KCNH1: variants seen among roughly 807,000 people sequenced by gnomAD.
KCNH1 encodes the protein potassium voltage-gated channel subfamily H member 1.
A neutral mutation model predicts 69.2 loss-of-function variants in KCNH1; 27 were observed. The ratio of observed to expected loss-of-function variants is 0.39; its 90% CI spans 0.29 to 0.54. The LOEUF (loss-of-function observed/expected upper bound fraction) is 0.54. KCNH1 is among the 20% of genes least tolerant of loss of function. The pLI, the probability that KCNH1 is intolerant of heterozygous loss-of-function variation, is 0.68. For synonymous variants in KCNH1, 456 were observed against 487.7 expected (o/e 0.93, Z 0.86); for missense variants, 798 against 1,261.6 (o/e 0.63, Z 5.57).
At chr1:211,090,283 G>C in intron 4 of KCNH1, among the ~76,000 whole-genome samples, 1 of 152,208 alleles carries the variant, frequency 6.6e-6, no homozygotes, top group Non-Finnish European at 1.5e-5. Context: ...GATGATACTA[G>C]TTGCCAAACT....
intron 6 of KCNH1, among the ~76,000 whole-genome samples, chr1:211,013,690 T>C (rs535749073): frequency 8.5e-5 from 13 of 152,238 alleles, no homozygotes; most frequent in African/African-American, 2.4e-4. Flanking sequence ...ACCGGGATAA[T>C]ACCTGCTCTC....
chr1:211,123,985 T>C (rs1207333126), intron 1 of KCNH1, among the ~76,000 whole-genome samples: 1 of 152,062 alleles, frequency 6.6e-6, no homozygotes, highest in Non-Finnish European at 1.5e-5. Context: ...GGCCACTCAA[T>C]GAAGTCAGGC....
intron 7 of KCNH1, among the ~76,000 whole-genome samples, chr1:210,888,102 T>C (rs1015664846): frequency 6.6e-6 from 1 of 152,094 alleles, no homozygotes; most frequent in African/African-American, 2.4e-5. Context: ...CAACAGAATA[T>C]ACATTCTTCT....
At chr1:210,838,414 A>T (rs1442475515) in intron 7 of KCNH1, among the ~76,000 whole-genome samples, 1 of 152,208 alleles carries the variant, frequency 6.6e-6, no homozygotes, top group Non-Finnish European at 1.5e-5. Flanking sequence ...TATAAAAATC[A>T]ACTAAAGATG....
chr1:210,957,779 C>T (rs1688207536), intron 6 of KCNH1, among the ~76,000 whole-genome samples: 1 of 152,072 alleles, frequency 6.6e-6, no homozygotes, highest in Non-Finnish European at 1.5e-5. Context: ...GATCTTCCTC[C>T]ATCCGTTTAT....
Position 210,919,148 on chromosome 1 carries a change from T to C in KCNH1, c.1462+492A>G, listed in dbSNP as rs1687408576. ...AGGTAATGATGTAAAGGAATGGATA[T>C]GTTAATTTGCTTTGCTGTCATAATC... On this transcript the variant is annotated intron_variant, in intron 7 of 10. Coordinates refer to ENST00000271751, the MANE Select transcript of KCNH1 (RefSeq NM_172362.3). This position sits in a 1 kb window ranked among gnomAD's most constrained non-coding sequence, Gnocchi z 4.2. 6.5e-6 allele frequency: 1 copy of C among 154,270 alleles called. No homozygotes were observed. Among genetic ancestry groups the C allele is most frequent in the African/African-American group, 2.4e-5 (1 of 41,462 alleles). The allele number at this position is 154,270 out of a possible 1,614,324, so 9.6% of individuals were successfully genotyped here. A position where few individuals can be genotyped will look rare whatever the true frequency, so the allele number is the denominator to read the frequency against.
At chr1:210,867,785 G>A (rs113335268) in intron 7 of KCNH1, among the ~76,000 whole-genome samples, 2,547 of 151,962 alleles carry the variant, frequency 0.017, 68 homozygotes, top group African/African-American at 0.059. Flanking sequence ...TACTATTTGG[G>A]ACCTGGACTT....
In KCNH1 at chr1:210,961,031, T is replaced by C. The variant is rs986055398; in HGVS notation, c.1033-40962A>G. 2.6e-5 allele frequency among the ~76,000 whole-genome samples: 4 copies of C among 152,180 alleles called. No homozygotes were observed. In the South Asian group the frequency reaches 8.3e-4, roughly 32 times the overall value. On this transcript the variant is annotated intron_variant, in intron 6 of 10. Transcript: ENST00000271751. ...TTTCTTATCTCTTGAACATATACAA[T>C]GCAGTTATAATAGTTGTTTTAATGC...
chr1:210,987,326 G>A (rs1378685492), intron 6 of KCNH1, among the ~76,000 whole-genome samples: 3 of 152,200 alleles, frequency 2.0e-5, no homozygotes, highest in Non-Finnish European at 4.4e-5. Flanking sequence ...TTGCTGGTGA[G>A]GAGCTGCGTT....
chr1:210,701,795 C>T (rs1463306221), intron 10 of KCNH1, among the ~76,000 whole-genome samples: 1 of 152,050 alleles, frequency 6.6e-6, no homozygotes, highest in African/African-American at 2.4e-5. Context: ...GGCCATCTGT[C>T]CCCTTGCCCA....
intron 1 of KCNH1, among the ~76,000 whole-genome samples, chr1:211,123,327 G>A (rs1691721072): frequency 6.6e-6 from 1 of 152,200 alleles, no homozygotes; most frequent in Non-Finnish European, 1.5e-5. Context: ...GATCTGTAGA[G>A]TTGAGCAGGT....
intron 3 of KCNH1, among the ~76,000 whole-genome samples, chr1:211,100,599 C>A (rs865849012): frequency 6.6e-6 from 1 of 152,242 alleles, no homozygotes; most frequent in South Asian, 2.1e-4. Flanking sequence ...GATCCACCCA[C>A]CTCGGCCTCC....
intron 9 of KCNH1, among the ~76,000 whole-genome samples, chr1:210,785,488 G>A (rs1022642915): frequency 3.3e-5 from 5 of 151,358 alleles, no homozygotes; most frequent in Non-Finnish European, 4.4e-5. Flanking sequence ...TCCGCCTCCT[G>A]GGTTCAAGCG....
At chr1:210,996,231 T>C (rs1689033358) in intron 6 of KCNH1, among the ~76,000 whole-genome samples, 1 of 152,162 alleles carries the variant, frequency 6.6e-6, no homozygotes, top group South Asian at 2.1e-4. Context: ...TTCCCTTTCC[T>C]AGTCAAAGAA....
chr1:210,855,799 A>T (rs1201700973), intron 7 of KCNH1, among the ~76,000 whole-genome samples: 1 of 152,160 alleles, frequency 6.6e-6, no homozygotes, highest in Admixed American at 6.5e-5. Context: ...AATATAGCCC[A>T]CTTTTCCCCT....
intron 1 of KCNH1, among the ~76,000 whole-genome samples, chr1:211,110,154 T>A (rs1006529663): frequency 3.3e-5 from 5 of 152,076 alleles, no homozygotes; most frequent in African/African-American, 1.2e-4. Context: ...AAAATGTGAG[T>A]GTATAATGAA....
At chr1:210,961,176 G>A (rs1303396491) in intron 6 of KCNH1, among the ~76,000 whole-genome samples, 1 of 151,684 alleles carries the variant, frequency 6.6e-6, no homozygotes, top group Non-Finnish European at 1.5e-5. Context: ...TTTTTATTGG[G>A]TGTTTGTCTT....
chr1:210,806,417 C>A (rs1445442759), intron 7 of KCNH1, among the ~76,000 whole-genome samples: 1 of 151,546 alleles, frequency 6.6e-6, no homozygotes, highest in African/African-American at 2.4e-5. Context: ...TTGTTGAGTT[C>A]TAAGAACCCT....
Position 210,910,730 on chromosome 1 carries a change from G to A in KCNH1, c.1462+8910C>T, listed in dbSNP as rs369400532. On this transcript the variant is annotated intron_variant, in intron 7 of 10. Transcript: ENST00000271751. ...TATAAACTAAGATAATAACACCTGT[G>A]ACATAAAAGTGTTGGGAGAGGTGAA... Among the ~76,000 whole-genome samples the A allele has an allele frequency of 6.6e-5, 10 of 152,350 alleles. No individual in the cohort carries two copies. In the East Asian group the frequency reaches 1.7e-3, roughly 26 times the overall value.
Sources: gnomAD v4.1 joint callset for allele counts (sites outside exome capture counted in the v4.1 genomes callset) on GRCh38, gnomAD v4.1.1 for gene constraint, Gnocchi (gnomAD v3.1) non-coding constraint, MANE v1.5 for transcripts, NCBI Gene and HGNC (gene_info 2026-07-23, HGNC 2026-07-21) for gene names.